The following DISC1 variants were observed in gnomAD, a reference collection of about 807,000 sequenced individuals.
The protein encoded by DISC1 is DISC1 scaffold protein, also known as disrupted in schizophrenia 1 protein.
DISC1 carries 57 observed loss-of-function variants against 84.5 expected under a neutral mutation model. The observed-to-expected ratio is 0.67, with a 90% confidence interval of 0.55 to 0.84. DISC1 has a LOEUF of 0.84. Among genes scored for constraint, DISC1 ranks in the 40% least tolerant of loss-of-function variants. DISC1 has a pLI of 0.00. For synonymous variants in DISC1, 411 were observed against 415.2 expected, an observed-to-expected ratio of 0.99 and a Z score of 0.12; for missense variants, 1,000 against 1,057.8, an observed-to-expected ratio of 0.95 and a Z score of 0.76.
At position 231,694,588 on chromosome 1, in the gene DISC1, T is replaced by C; in HGVS notation, c.830T>C (p.Leu277Ser). The C allele has an allele frequency of 1.2e-6, 2 of 1,614,258 alleles. No homozygotes were observed. Among genetic ancestry groups the C allele is most frequent in the Non-Finnish European group, 1.7e-6 (2 of 1,180,050 alleles). ...SLLATRVSAD[L>S]AQAARNSSRP... ...TTGGCTACACGGGTCTCTGCAGACT[T>C]GGCCCAGGCCGCAAGGAACAGCTCC... is the stretch of plus-strand genomic sequence containing the variant. Residue 277 changes from leucine to serine, a missense_variant, in exon 2 of 13, where the codon TTG (leucine) becomes TCG (serine). Leu to Ser is a moderately radical substitution (Grantham distance 145). This residue lies in a region of DISC1 where 311 missense variants were observed against 400.1 expected (regional missense o/e 0.78). Coordinates refer to ENST00000439617, the MANE Select transcript of DISC1 (RefSeq NM_018662.3).
chr1:231,832,850 G>A (rs1267303505), intron 9 of DISC1, among the ~76,000 whole-genome samples: 1 of 147,516 alleles, frequency 6.8e-6, no homozygotes, highest in Non-Finnish European at 1.5e-5. Flanking sequence ...CAGGTAAAAT[G>A]GGGGAATTAT....
intron 8 of DISC1, among the ~76,000 whole-genome samples, chr1:231,816,786 A>G (rs1012031567): frequency 6.6e-6 from 1 of 152,154 alleles, no homozygotes; most frequent in Non-Finnish European, 1.5e-5. Context: ...ATGCCATATT[A>G]CCTTGATTTA....
intron 1 of DISC1, among the ~76,000 whole-genome samples, chr1:231,666,445 C>T (rs1180326032): frequency 1.3e-5 from 2 of 152,056 alleles, no homozygotes; most frequent in South Asian, 2.1e-4. Flanking sequence ...ATTAAAGGGC[C>T]ATGGGAACTT....
At chr1:231,840,696 GTTT>G (rs776980827) in intron 9 of DISC1, among the ~76,000 whole-genome samples, 1 of 145,816 alleles carries the variant, frequency 6.9e-6, no homozygotes, top group South Asian at 2.2e-4. Flanking sequence ...GTTTTTATTT[GTTT>G]TTTTTTTTTT....
At chr1:232,012,375 G>A (rs1247671140) in intron 11 of DISC1, among the ~76,000 whole-genome samples, 1 of 152,206 alleles carries the variant, frequency 6.6e-6, no homozygotes, top group East Asian at 1.9e-4. Flanking sequence ...CAGGATTTTA[G>A]ACTACAGAAG....
chr1:231,749,379 T>C (rs2125320930), intron 3 of DISC1, among the ~76,000 whole-genome samples: 1 of 152,346 alleles, frequency 6.6e-6, no homozygotes, highest in Admixed American at 6.5e-5. Flanking sequence ...GCTAGTAGAC[T>C]TAAGGTCATT....
At chr1:231,809,714 C>A (rs918491074) in intron 8 of DISC1, among the ~76,000 whole-genome samples, 1 of 152,008 alleles carries the variant, frequency 6.6e-6, no homozygotes, top group African/African-American at 2.4e-5. Context: ...TCTAGATAAA[C>A]ACAAAATGGG....
rs6667642 is a variant in DISC1 at position 231,916,511 on chromosome 1, C to T, written c.1982-42317C>T. 4.9e-3 allele frequency among the ~76,000 whole-genome samples: 738 copies of T among 151,270 alleles called. 10 individuals are homozygous for T. The highest frequency in any genetic ancestry group is 0.017 in the African/African-American group (695 of 41,066). On this transcript the variant is annotated intron_variant, in intron 9 of 12. Transcript: ENST00000439617. Reference sequence around the variant, plus strand: ...CTACTAAAAATACAAAAAAATTAGCCGGGCGTAGTGGCGGGCGCCTGTAGT... The same window carrying T: ...CTACTAAAAATACAAAAAAATTAGCTGGGCGTAGTGGCGGGCGCCTGTAGT...
intron 9 of DISC1, among the ~76,000 whole-genome samples, chr1:231,893,586 T>A (rs919735449): frequency 3.9e-5 from 6 of 152,204 alleles, no homozygotes; most frequent in African/African-American, 1.4e-4. Context: ...GCCATGTGTT[T>A]GTGGGTTGGG....
chr1:231,859,416 T>C lies in DISC1; in HGVS notation c.1981+40899T>C, dbSNP rs1479268039. ...TGGTGAGGGCCTGTTTCCAGGTTCA[T>C]AGATGGTGCCTTTTCAATATGTCCT... On this transcript the variant is annotated intron_variant, in intron 9 of 12. Transcript: ENST00000439617. Among the ~76,000 whole-genome samples, 6 of 152,182 alleles carry C rather than the reference T, an allele frequency of 3.9e-5. No individual in the cohort carries two copies. In the South Asian group the frequency reaches 6.2e-4, roughly 16 times the overall value.
chr1:231,728,120 G>A (rs373514791), intron 3 of DISC1, among the ~76,000 whole-genome samples: 3 of 151,996 alleles, frequency 2.0e-5, no homozygotes, highest in Non-Finnish European at 2.9e-5. Context: ...ATACAAAGAT[G>A]GAGGAATCAC....
intron 9 of DISC1, among the ~76,000 whole-genome samples, chr1:231,905,210 A>C (rs373005731): frequency 2.0e-5 from 3 of 152,214 alleles, no homozygotes; most frequent in Admixed American, 2.0e-4. Flanking sequence ...GGATTTCCCA[A>C]CAAAAATGCA....
chr1:231,694,609 G>A lies in DISC1; in HGVS notation c.851G>A (p.Ser284Asn). The part of the protein sequence containing the change: ...SADLAQAARN[S>N]SRPERDMHSL... ...GACTTGGCCCAGGCCGCAAGGAACAGCTCCAGGCCAGAGCGTGACATGCAT... is the reference window on the plus strand; with the variant it reads ...GACTTGGCCCAGGCCGCAAGGAACAACTCCAGGCCAGAGCGTGACATGCAT... Residue 284 changes from serine to asparagine, a missense_variant, in exon 2 of 13, where the codon AGC becomes AAC. Physicochemically the swap from Ser to Asn is conservative, Grantham distance 46. Transcript: ENST00000439617. 6.2e-7 allele frequency: 1 copy of A among 1,614,274 alleles called. No individual in the cohort carries two copies. Among genetic ancestry groups the A allele is most frequent in the Non-Finnish European group, 8.5e-7 (1 of 1,180,048 alleles).
At chr1:231,706,804 T>C (rs2067146875) in intron 3 of DISC1, among the ~76,000 whole-genome samples, 1 of 152,198 alleles carries the variant, frequency 6.6e-6, no homozygotes. Flanking sequence ...TTGTCTAAAT[T>C]ACCATAATGT....
rs114679209 is a variant in DISC1 at position 231,934,140 on chromosome 1, G to A, written c.1982-24688G>A. The stretch of plus-strand genomic sequence containing the variant: ...GTGGGAAGAGGGAGGGAGAATCCAG[G>A]CAGGAAAAGGGGGGTGACCGTGCAG... On this transcript the variant is annotated intron_variant, in intron 9 of 12. Coordinates refer to ENST00000439617, the MANE Select transcript of DISC1 (RefSeq NM_018662.3). 7.6e-3 allele frequency among the ~76,000 whole-genome samples: 1,156 copies of A among 152,260 alleles called. 17 individuals are homozygous for A. Among genetic ancestry groups the A allele is most frequent in the African/African-American group, 0.026 (1,082 of 41,550 alleles).
intron 3 of DISC1, among the ~76,000 whole-genome samples, chr1:231,705,149 A>G (rs776479525): frequency 6.6e-6 from 1 of 150,538 alleles, no homozygotes; most frequent in Non-Finnish European, 1.5e-5. Context: ...TTAGCCGGGC[A>G]TGGTAACAGG....
chr1:231,959,433 A>C, intron 10 of DISC1: 2 of 985,770 alleles, frequency 2.0e-6, no homozygotes, highest in South Asian at 4.7e-5. Context: ...ATGTGTGCTT[A>C]GGAAAATAAA....
chr1:231,803,785 A>G (rs2079469718), intron 8 of DISC1, among the ~76,000 whole-genome samples: 1 of 151,988 alleles, frequency 6.6e-6, no homozygotes, highest in Admixed American at 6.6e-5. Flanking sequence ...CGTCTCTACT[A>G]AAAATACAAA....
At chr1:231,930,397 G>C (rs1259601139) in intron 9 of DISC1, among the ~76,000 whole-genome samples, 1 of 152,166 alleles carries the variant, frequency 6.6e-6, no homozygotes, top group Non-Finnish European at 1.5e-5. Context: ...CGCTCTAAGT[G>C]CTTTGTACAC....
Sources: allele counts gnomAD v4.1 joint callset (sites outside exome capture counted in the v4.1 genomes callset), GRCh38; gene constraint gnomAD v4.1.1; regional missense constraint gnomAD v4.1.1; transcripts MANE v1.5; gene names NCBI Gene and HGNC (gene_info 2026-07-23, HGNC 2026-07-21).